The following PCDH9 variants were observed in gnomAD, a reference collection of about 807,000 sequenced individuals.
The protein encoded by PCDH9 is protocadherin-9.
PCDH9 carries 24 observed loss-of-function variants against 70.6 expected under a neutral mutation model. The observed-to-expected ratio is 0.34, with a 90% CI of 0.25 to 0.48. The LOEUF is 0.48. Ranked by LOEUF, PCDH9 falls within the 20% of genes least tolerant of loss-of-function variation. PCDH9 has a pLI of 0.99. For synonymous variants in PCDH9, 562 were observed against 558.5 expected (o/e 1.01, Z -0.09); for missense variants, 1,281 against 1,503.6 (o/e 0.85, Z 2.45).
intron 4 of PCDH9, among the ~76,000 whole-genome samples, chr13:66,501,696 GT>G (rs1430786634): frequency 1.3e-5 from 2 of 151,976 alleles, no homozygotes; most frequent in African/African-American, 4.8e-5. Flanking sequence ...GAGATATCAA[GT>G]AATAGTCATC....
chr13:66,873,213 T>C (rs577572034), intron 3 of PCDH9, among the ~76,000 whole-genome samples: 2 of 152,294 alleles, frequency 1.3e-5, no homozygotes, highest in East Asian at 3.9e-4. Flanking sequence ...GTCTACTTTG[T>C]TATTTTATGT....
intron 4 of PCDH9, among the ~76,000 whole-genome samples, chr13:66,530,309 A>G (rs561542507): frequency 6.6e-6 from 1 of 152,186 alleles, no homozygotes; most frequent in African/African-American, 2.4e-5. Context: ...ATTTTTCGAC[A>G]GTGTGTGGCT....
At position 66,730,876 on chromosome 13, in the gene PCDH9, G is replaced by GTGTTTTTTT. The variant is rs1555262846; in HGVS notation, c.3139-99466_3139-99465insAAAAAAACA. ...TGTTTTTGTTTTTTTGTGTGTGTGT[G>GTGTTTTTTT]TTTTTTTTTTGTTTGTTTCTTTTTT... On this transcript the variant is annotated intron_variant, in intron 3 of 4. Coordinates refer to ENST00000377865, the MANE Select transcript of PCDH9 (RefSeq NM_203487.3). Among the ~76,000 whole-genome samples, 75 of 46,352 alleles carry GTGTTTTTTT rather than the reference G, an allele frequency of 1.6e-3. 5 individuals are homozygous for GTGTTTTTTT. The highest frequency in any genetic ancestry group is 3.5e-3 in the African/African-American group (47 of 13,272). 30.4% of individuals were successfully genotyped at this position (46,352 alleles called of 152,430 possible).
intron 4 of PCDH9, among the ~76,000 whole-genome samples, chr13:66,450,153 TTTTA>T (rs971315143): frequency 1.3e-5 from 2 of 152,204 alleles, no homozygotes; most frequent in Non-Finnish European, 2.9e-5. Flanking sequence ...CATCAGTTTA[TTTTA>T]TTTATGATCT....
chr13:66,735,398 T>A (rs1374583137), intron 3 of PCDH9, among the ~76,000 whole-genome samples: 2 of 152,182 alleles, frequency 1.3e-5, no homozygotes, highest in Non-Finnish European at 2.9e-5. Context: ...GGGTACACTT[T>A]GTTCACAAAC....
chr13:66,311,460 T>C (rs903837916), intron 4 of PCDH9, among the ~76,000 whole-genome samples: 6 of 151,872 alleles, frequency 4.0e-5, no homozygotes, highest in African/African-American at 1.5e-4. Flanking sequence ...AAGCTAAAAC[T>C]ATAGGTTTAT....
chr13:66,359,946 T>C (rs1308807229), intron 4 of PCDH9, among the ~76,000 whole-genome samples: 1 of 152,146 alleles, frequency 6.6e-6, no homozygotes, highest in Non-Finnish European at 1.5e-5. Context: ...TGATGGTAGC[T>C]ATTTATACAT....
chr13:66,898,522 G>T (rs773640382), intron 3 of PCDH9, among the ~76,000 whole-genome samples: 4 of 151,906 alleles, frequency 2.6e-5, no homozygotes, highest in Non-Finnish European at 5.9e-5. Context: ...ATATTTATTT[G>T]TGTGCTTGTA....
chr13:66,791,990 T>A (rs2080170965), intron 3 of PCDH9, among the ~76,000 whole-genome samples: 1 of 152,190 alleles, frequency 6.6e-6, no homozygotes, highest in African/African-American at 2.4e-5. Context: ...ATGAATTTTA[T>A]AATAAAAATC....
intron 3 of PCDH9, among the ~76,000 whole-genome samples, chr13:66,902,345 C>T (rs888414615): frequency 2.0e-5 from 3 of 151,628 alleles, no homozygotes; most frequent in African/African-American, 7.3e-5. Flanking sequence ...CTTTCAACTT[C>T]CACTAATGTT....
At chr13:66,684,859 G>A (rs1164610167) in intron 3 of PCDH9, among the ~76,000 whole-genome samples, 1 of 152,106 alleles carries the variant, frequency 6.6e-6, no homozygotes, top group Admixed American at 6.5e-5. Context: ...GCAGGGCTCA[G>A]AAGAAGATAG....
chr13:66,755,044 T>C (rs2079519034), intron 3 of PCDH9, among the ~76,000 whole-genome samples: 1 of 152,174 alleles, frequency 6.6e-6, no homozygotes, highest in African/African-American at 2.4e-5. Context: ...TTTGGGGATA[T>C]TTACTTTTTA....
chr13:66,950,078 C>A (rs910618722), intron 2 of PCDH9, among the ~76,000 whole-genome samples: 1 of 151,734 alleles, frequency 6.6e-6, no homozygotes, highest in South Asian at 2.1e-4. Context: ...AAAATAATAC[C>A]GCTTATCAAA....
At chr13:66,351,059 A>T (rs1308824705) in intron 4 of PCDH9, among the ~76,000 whole-genome samples, 2 of 152,228 alleles carry the variant, frequency 1.3e-5, no homozygotes, top group African/African-American at 4.8e-5. Flanking sequence ...GAATTATGAT[A>T]TTAATAATGA....
chr13:66,423,522 C>G (rs762705544), intron 4 of PCDH9, among the ~76,000 whole-genome samples: 1 of 152,110 alleles, frequency 6.6e-6, no homozygotes, highest in Non-Finnish European at 1.5e-5. Context: ...GGCTGGTTAA[C>G]ATATGCAAAT....
rs1845955296 is a variant in PCDH9, at chr13:67,007,662, G to A, written c.3037-104057C>T. On this transcript the variant is annotated intron_variant, in intron 2 of 4. Transcript: ENST00000377865. ...TCAGGCCGTGTATATATTGGAATTT[G>A]AATAAGAATCCTCATGTGCGTGCAG... Among the ~76,000 whole-genome samples the A allele has an allele frequency of 2.0e-5, 3 of 152,106 alleles. No individual in the cohort carries two copies. In the South Asian group the frequency reaches 6.2e-4, roughly 32 times the overall value.
chr13:67,146,610 A>G (rs894076720), intron 2 of PCDH9, among the ~76,000 whole-genome samples: 2 of 152,172 alleles, frequency 1.3e-5, no homozygotes, highest in Admixed American at 6.5e-5. Flanking sequence ...TGCATGGAAC[A>G]TCGGAAACCA....
chr13:66,913,736 GA>G (rs2082510607), intron 2 of PCDH9, among the ~76,000 whole-genome samples: 2 of 151,990 alleles, frequency 1.3e-5, no homozygotes, highest in Non-Finnish European at 2.9e-5. Flanking sequence ...GTAAATAAAT[GA>G]TTAGTTGATC....
chr13:67,016,037 T>G (rs566659265), intron 2 of PCDH9, among the ~76,000 whole-genome samples: 1 of 152,270 alleles, frequency 6.6e-6, no homozygotes, highest in South Asian at 2.1e-4. Flanking sequence ...TTCTGATATA[T>G]CACAAGTATA....
Sources: allele counts gnomAD v4.1 joint callset (sites outside exome capture counted in the v4.1 genomes callset), GRCh38; gene constraint gnomAD v4.1.1; transcripts MANE v1.5; gene names NCBI Gene and HGNC (gene_info 2026-07-23, HGNC 2026-07-21).